The following RXRG variants were observed in gnomAD, a reference collection of about 807,000 sequenced individuals.
RXRG encodes the protein retinoid X receptor gamma.
A neutral mutation model predicts 49.2 loss-of-function variants in RXRG; 19 were observed. That is an observed-to-expected ratio of 0.39 (90% CI 0.27 to 0.57). RXRG has a LOEUF of 0.57. Among genes scored for constraint, RXRG ranks in the 20% least tolerant of loss-of-function variants. RXRG has a pLI of 0.64. For missense variants in RXRG, 452 were observed against 592.5 expected (o/e 0.76, Z 2.46); for synonymous variants, 224 against 216.6 (o/e 1.03, Z -0.30).
chr1:165,428,823 C>T lies in RXRG; in HGVS notation c.193G>A (p.Ala65Thr), dbSNP rs758489485. 3.1e-6 allele frequency: 5 copies of T among 1,614,094 alleles called. No individual in the cohort carries two copies. In the South Asian group the frequency reaches 4.4e-5, roughly 14 times the overall value. Reference protein sequence around the residue: ...TLSAVGTPLNALGSPYRVITS... With the variant: ...TLSAVGTPLNTLGSPYRVITS... ...ATGACTCGATATGGAGAGCCCAGGG[C>T]ATTGAGGGGGGTCCCCACTGCACTC... Residue 65 changes from alanine to threonine, a missense_variant, in exon 2 of 10, where the codon GCC (alanine) becomes ACC (threonine). This residue lies in a region of RXRG where 166 missense variants were observed against 151.7 expected (regional missense o/e 1.09). Transcript: ENST00000359842.
chr1:165,401,115 A>C lies in RXRG; in HGVS notation c.*148T>G. 3.0e-6 allele frequency: 2 copies of C among 667,408 alleles called. No individual in the cohort carries two copies. The highest frequency in any genetic ancestry group is 2.7e-5 in the East Asian group (1 of 37,132). 41.3% of individuals were successfully genotyped at this position (667,408 alleles called of 1,614,324 possible). ...ACAAAAGTCCACCTATAAAAGTCTC[A>C]TGTGTAGAAAGGTTTTCTTTATTAT... On this transcript the variant is annotated 3_prime_UTR_variant, in exon 10 of 10. Coordinates refer to ENST00000359842, the MANE Select transcript of RXRG (RefSeq NM_006917.5).
rs1336959180 is a variant in RXRG, at chr1:165,406,835, C to T, written c.1221G>A (p.Gln407=). The T allele has an allele frequency of 2.5e-6, 4 of 1,613,818 alleles. No individual in the cohort carries two copies. Among genetic ancestry groups the T allele is most frequent in the Middle Eastern group, 1.6e-4 (1 of 6,072 alleles). Residue 407 remains glutamine (Q), a synonymous_variant, in exon 9 of 10, where the codon CAG becomes CAA. Transcript: ENST00000359842. Reference sequence around the variant, plus strand: ...ACCTGCCTGGCTGTTCCGGATACTTCTGCTTGGTGTAGGCCTCAAGGGTGG... The same window carrying T: ...ACCTGCCTGGCTGTTCCGGATACTTTTGCTTGGTGTAGGCCTCAAGGGTGG... The part of the protein sequence containing the change: ...VYATLEAYTK[Q]KYPEQPGRFA...
chr1:165,412,017 A>G (rs764496987), intron 4 of RXRG, among the ~76,000 whole-genome samples: 2 of 152,204 alleles, frequency 1.3e-5, no homozygotes, highest in Non-Finnish European at 2.9e-5. Context: ...TCCTTTAAGC[A>G]GGTGACTAGC....
At chr1:165,414,411 A>G (rs1658059005) in intron 4 of RXRG, among the ~76,000 whole-genome samples, 1 of 152,178 alleles carries the variant, frequency 6.6e-6, no homozygotes, top group Non-Finnish European at 1.5e-5. Flanking sequence ...CATTTGGCCT[A>G]TTGACCACTC....
At chr1:165,406,766 G>T in intron 9 of RXRG, 46 bp downstream of exon 9, 1 of 1,303,520 alleles carries the variant, frequency 7.7e-7, no homozygotes, top group Non-Finnish European at 1.1e-6. Context: ...GATGAAGAGT[G>T]GGAGTAGTTG....
At chr1:165,408,456 A>G in intron 7 of RXRG, 138 bp from the exon 8 acceptor site, 1 of 643,278 alleles carries the variant, frequency 1.6e-6, no homozygotes, top group South Asian at 1.8e-5. Flanking sequence ...ACAGAAATGA[A>G]AAAGATGCAA....
chr1:165,418,110 C>CAAAAAAAA (rs57782668), intron 3 of RXRG, among the ~76,000 whole-genome samples: 1 of 73,858 alleles, frequency 1.4e-5, no homozygotes, highest in African/African-American at 5.4e-5. Context: ...GATCCCGTCT[C>CAAAAAAAA]AAAAAAAAAA....
chr1:165,406,424 C>T (rs1376304684), intron 9 of RXRG, among the ~76,000 whole-genome samples: 3 of 152,238 alleles, frequency 2.0e-5, no homozygotes, highest in Non-Finnish European at 4.4e-5. Context: ...TGAAATCACA[C>T]GAACAGGGTT....
In RXRG at chr1:165,417,072, C is replaced by A; in HGVS notation, c.591G>T (p.Gln197His). ...QRNRCQYCRY[Q>H]KCLVMGMKRE... Reference sequence around the variant, plus strand: ...TCTTCATGCCCATGACAAGGCACTTCTGATAGCGACAGTACTGGCAGCGGT... The same window carrying A: ...TCTTCATGCCCATGACAAGGCACTTATGATAGCGACAGTACTGGCAGCGGT... Residue 197 changes from glutamine (Q) to histidine (H), a missense_variant, in exon 4 of 10, where the codon CAG (glutamine) becomes CAT (histidine). Physicochemically the swap from Gln to His is conservative, Grantham distance 24. This residue lies in a region of RXRG where 286 missense variants were observed against 440.9 expected (regional missense o/e 0.65). Coordinates refer to ENST00000359842, the MANE Select transcript of RXRG (RefSeq NM_006917.5). The A allele has an allele frequency of 6.2e-7, 1 of 1,614,064 alleles. No homozygotes were observed. Among genetic ancestry groups the A allele is most frequent in the Non-Finnish European group, 8.5e-7 (1 of 1,179,950 alleles).
intron 1 of RXRG, among the ~76,000 whole-genome samples, chr1:165,444,234 T>C (rs994029073): frequency 6.6e-6 from 1 of 152,008 alleles, no homozygotes; most frequent in Non-Finnish European, 1.5e-5. Flanking sequence ...TGCAGTAGAA[T>C]TGGGGGCAGC....
intron 1 of RXRG, chr1:165,436,911 C>T (rs918477967): frequency 1.8e-6 from 2 of 1,104,516 alleles, no homozygotes; most frequent in African/African-American, 3.3e-5. Flanking sequence ...AATTAACAAC[C>T]AAACTTGAAA....
intron 4 of RXRG, among the ~76,000 whole-genome samples, chr1:165,413,587 A>T (rs1658024471): frequency 6.6e-6 from 1 of 152,196 alleles, no homozygotes; most frequent in Non-Finnish European, 1.5e-5. Flanking sequence ...CTATTAATAA[A>T]GACCACACAG....
chr1:165,425,171 A>C (rs1404632121), intron 2 of RXRG, among the ~76,000 whole-genome samples: 1 of 152,218 alleles, frequency 6.6e-6, no homozygotes, highest in African/African-American at 2.4e-5. Flanking sequence ...AGATGAATTG[A>C]CTGGCCATGT....
At chr1:165,406,558 T>G (rs1168162002) in intron 9 of RXRG, among the ~76,000 whole-genome samples, 1 of 152,224 alleles carries the variant, frequency 6.6e-6, no homozygotes, top group African/African-American at 2.4e-5. Context: ...TGTTTGCTAT[T>G]CATCCTCCAT....
At chr1:165,406,567 A>G (rs564921100) in intron 9 of RXRG, among the ~76,000 whole-genome samples, 1 of 152,376 alleles carries the variant, frequency 6.6e-6, no homozygotes, top group African/African-American at 2.4e-5. Flanking sequence ...TTCATCCTCC[A>G]TTTAAAGATG....
In RXRG at chr1:165,409,330, C is replaced by A. The variant is rs1657859404; in HGVS notation, c.1046+228G>T. Among the ~76,000 whole-genome samples, 4 of 152,194 alleles carry A rather than the reference C, an allele frequency of 2.6e-5. No homozygotes were observed. The South Asian group carries it at 8.3e-4, about 32-fold the overall frequency. ...GGCTCCATCTTATTGTGATCTCAATCTTTCTTTTAATCTCTCCCTCATTCC... is the reference window on the plus strand; with the variant it reads ...GGCTCCATCTTATTGTGATCTCAATATTTCTTTTAATCTCTCCCTCATTCC... On this transcript the variant is annotated intron_variant, in intron 7 of 9. Coordinates refer to ENST00000359842, the MANE Select transcript of RXRG (RefSeq NM_006917.5).
intron 1 of RXRG, among the ~76,000 whole-genome samples, chr1:165,433,965 A>G (rs1429187515): frequency 6.6e-6 from 1 of 152,172 alleles, no homozygotes; most frequent in Non-Finnish European, 1.5e-5. Flanking sequence ...GGCTTCAGGG[A>G]TGCAGGACTG....
intron 9 of RXRG, among the ~76,000 whole-genome samples, chr1:165,402,998 T>G (rs1217024680): frequency 5.9e-5 from 9 of 151,640 alleles, no homozygotes; most frequent in African/African-American, 2.2e-4. Flanking sequence ...CACTCCACAC[T>G]CACACTCTAA....
chr1:165,413,258 TTAAAAA>T (rs917735108), intron 4 of RXRG, among the ~76,000 whole-genome samples: 5 of 152,150 alleles, frequency 3.3e-5, no homozygotes, highest in African/African-American at 4.8e-5. Flanking sequence ...CCCTGGATGA[TTAAAAA>T]TAAAACCAAA....
Sources: allele counts gnomAD v4.1 joint callset (sites outside exome capture counted in the v4.1 genomes callset), GRCh38; gene constraint gnomAD v4.1.1; regional missense constraint gnomAD v4.1.1; transcripts MANE v1.5; gene names NCBI Gene and HGNC (gene_info 2026-07-23, HGNC 2026-07-21).